The following FCHSD2 variants were observed in gnomAD, a reference collection of about 807,000 sequenced individuals.
FCHSD2 encodes F-BAR and double SH3 domains protein 2.
In FCHSD2, 38 loss-of-function variants were observed where a neutral mutation model predicts 108.1. The ratio of observed to expected loss-of-function variants is 0.35; its 90% CI spans 0.27 to 0.46. FCHSD2 has a LOEUF of 0.46. Among genes scored for constraint, FCHSD2 ranks in the 20% least tolerant of loss-of-function variants. FCHSD2 has a pLI of 1.00. For missense variants in FCHSD2, 751 were observed against 897.8 expected (o/e 0.84, Z 2.09); for synonymous variants, 279 against 314.7 (o/e 0.89, Z 1.20).
At chr11:73,087,550 C>G (rs962244091) in intron 2 of FCHSD2, among the ~76,000 whole-genome samples, 1 of 151,682 alleles carries the variant, frequency 6.6e-6, no homozygotes, top group African/African-American at 2.4e-5. Context: ...ACTAAACATA[C>G]AAAAATTAGC....
At position 72,888,994 on chromosome 11, in the gene FCHSD2, G is replaced by A. The variant is rs560305262; in HGVS notation, c.1041+835C>T. Among the ~76,000 whole-genome samples, 186 of 151,074 alleles carry A rather than the reference G, an allele frequency of 1.2e-3. 1 individual carries two copies. Among genetic ancestry groups the A allele is most frequent in the African/African-American group, 4.3e-3 (175 of 41,150 alleles). On this transcript the variant is annotated intron_variant, in intron 11 of 19. Coordinates refer to ENST00000409418, the MANE Select transcript of FCHSD2 (RefSeq NM_014824.3). ...TTTATTGAGACAGAGTCTCGCTGTC[G>A]CCCAGGTTGGAGTGCAGTGGCGTGA...
intron 9 of FCHSD2, among the ~76,000 whole-genome samples, chr11:72,915,415 T>C (rs1855851681): frequency 6.6e-6 from 1 of 152,208 alleles, no homozygotes; most frequent in Admixed American, 6.5e-5. Flanking sequence ...CAAAGGAATA[T>C]ACATTGTTCT....
At chr11:73,139,849 C>G (rs1861206697) in intron 2 of FCHSD2, among the ~76,000 whole-genome samples, 182 bp downstream of exon 2, 1 of 152,214 alleles carries the variant, frequency 6.6e-6, no homozygotes, top group Admixed American at 6.5e-5. Flanking sequence ...AGGTCCCCCA[C>G]TGAAGGAAAA....
At chr11:73,126,622 ATC>A (rs1228104886) in intron 2 of FCHSD2, among the ~76,000 whole-genome samples, 1 of 151,338 alleles carries the variant, frequency 6.6e-6, no homozygotes, top group Non-Finnish European at 1.5e-5. Flanking sequence ...TCTGTTAAAT[ATC>A]TGTTATGCTT....
intron 2 of FCHSD2, among the ~76,000 whole-genome samples, chr11:73,111,113 TG>T (rs1390067129): frequency 6.6e-6 from 1 of 152,202 alleles, no homozygotes; most frequent in Non-Finnish European, 1.5e-5. Flanking sequence ...TGCTTGAGAA[TG>T]ATCCATGTGC....
chr11:72,852,236 C>T (rs779312090), intron 13 of FCHSD2, among the ~76,000 whole-genome samples: 10 of 151,786 alleles, frequency 6.6e-5, no homozygotes, highest in African/African-American at 1.2e-4. Flanking sequence ...ATGCTGGTGA[C>T]GTTATGGAAA....
chr11:72,989,137 T>A, intron 5 of FCHSD2, 40 bp from the exon 6 acceptor site: 1 of 1,552,302 alleles, frequency 6.4e-7, no homozygotes, highest in Admixed American at 1.9e-5. Context: ...ATTTTAGTTT[T>A]CAGGCTTACA....
At chr11:73,017,021 T>C (rs1416841405) in intron 3 of FCHSD2, among the ~76,000 whole-genome samples, 4 of 152,196 alleles carry the variant, frequency 2.6e-5, no homozygotes, top group African/African-American at 9.6e-5. Context: ...CTCATTCCAA[T>C]GCCCAGGCTG....
At chr11:73,096,564 C>A (rs1461182831) in intron 2 of FCHSD2, among the ~76,000 whole-genome samples, 1 of 151,600 alleles carries the variant, frequency 6.6e-6, no homozygotes, top group Non-Finnish European at 1.5e-5. Context: ...AAGGAAAGGA[C>A]AGGACAGGAT....
At chr11:72,859,288 T>C (rs1861510368) in intron 13 of FCHSD2, among the ~76,000 whole-genome samples, 1 of 152,220 alleles carries the variant, frequency 6.6e-6, no homozygotes, top group Non-Finnish European at 1.5e-5. Flanking sequence ...TCTCCCCAGA[T>C]GTGAATCACC....
rs141551349 is a variant in FCHSD2 at position 72,913,216 on chromosome 11, G to A, written c.828+8612C>T. On this transcript the variant is annotated intron_variant, in intron 9 of 19. Coordinates refer to ENST00000409418, the MANE Select transcript of FCHSD2 (RefSeq NM_014824.3). ...TATTATAATTTGATGAGATTTGGGT[G>A]GGGACACAAATCCAAACCATATTGG... Among the ~76,000 whole-genome samples the A allele has an allele frequency of 2.9e-3, 446 of 152,224 alleles. 2 individuals carry two copies. The highest frequency in any genetic ancestry group is 7.0e-3 in the Admixed American group (107 of 15,282).
chr11:73,062,005 T>C (rs565235587), intron 3 of FCHSD2, among the ~76,000 whole-genome samples: 1 of 152,232 alleles, frequency 6.6e-6, no homozygotes, highest in Non-Finnish European at 1.5e-5. Context: ...CCCCTGTTCC[T>C]CCTGACTGGG....
At chr11:73,120,217 C>T (rs886719585) in intron 2 of FCHSD2, among the ~76,000 whole-genome samples, 1 of 152,146 alleles carries the variant, frequency 6.6e-6, no homozygotes, top group Non-Finnish European at 1.5e-5. Flanking sequence ...GACACAGACC[C>T]AGGCCACATC....
chr11:73,064,208 G>A (rs1176055623), intron 3 of FCHSD2, among the ~76,000 whole-genome samples: 1 of 151,904 alleles, frequency 6.6e-6, no homozygotes, highest in South Asian at 2.1e-4. Flanking sequence ...ATGAAATGAA[G>A]ACAGAAATAA....
intron 9 of FCHSD2, among the ~76,000 whole-genome samples, chr11:72,916,449 A>G (rs546260203): frequency 6.6e-6 from 1 of 152,032 alleles, no homozygotes; most frequent in East Asian, 1.9e-4. Flanking sequence ...AGTAGTTGGG[A>G]CAACAGGTAT....
chr11:73,088,638 G>A (rs550362944), intron 2 of FCHSD2, among the ~76,000 whole-genome samples: 38 of 152,030 alleles, frequency 2.5e-4, no homozygotes, highest in African/African-American at 8.7e-4. Context: ...TCATAAACAT[G>A]TACACACACT....
intron 3 of FCHSD2, among the ~76,000 whole-genome samples, chr11:73,069,822 A>C (rs1859390325): frequency 6.6e-6 from 1 of 151,682 alleles, no homozygotes; most frequent in Non-Finnish European, 1.5e-5. Flanking sequence ...GGGTACCAGC[A>C]AGGCAAATAA....
At chr11:72,912,012 C>A (rs1351127010) in intron 9 of FCHSD2, among the ~76,000 whole-genome samples, 3 of 152,202 alleles carry the variant, frequency 2.0e-5, no homozygotes, top group Non-Finnish European at 2.9e-5. Flanking sequence ...TATCCTGCAA[C>A]TTTACTAAAG....
intron 12 of FCHSD2, among the ~76,000 whole-genome samples, chr11:72,884,474 AAT>A (rs979355958): frequency 6.7e-6 from 1 of 149,766 alleles, no homozygotes. Flanking sequence ...TGTGATTAGA[AAT>A]ATATATATAT....
Sources: allele counts gnomAD v4.1 joint callset (sites outside exome capture counted in the v4.1 genomes callset), GRCh38; gene constraint gnomAD v4.1.1; transcripts MANE v1.5; gene names NCBI Gene and HGNC (gene_info 2026-07-23, HGNC 2026-07-21).